Variants in RTL10 observed in about 807,000 individuals in gnomAD.
RTL10 encodes retrotransposon Gag like 10.
For missense variants in RTL10, 477 were observed against 470.7 expected, an observed-to-expected ratio of 1.01 and a Z score of -0.12; for synonymous variants, 199 against 188.4, an observed-to-expected ratio of 1.06 and a Z score of -0.46.
At position 19,852,433 on chromosome 22, in the gene RTL10, G is replaced by GAGAGCTGAGA; in HGVS notation, c.-182_-173dup. 1.5e-6 allele frequency: 1 copy of GAGAGCTGAGA among 669,084 alleles called. No homozygotes were observed. The highest frequency in any genetic ancestry group is 2.6e-6 in the Non-Finnish European group (1 of 389,764). The allele number at this position is 669,084 out of a possible 1,614,324, so 41.4% of individuals were successfully genotyped here. On this transcript the variant is annotated 5_prime_UTR_variant, in exon 3 of 3. Coordinates refer to ENST00000328554, the MANE Select transcript of RTL10 (RefSeq NM_024627.6). Reference sequence around the variant, plus strand: ...AGGGAGCTGACAGCTGCAGCCTCAGGAGAGCTGAGAAGAGCTGAGAGACTG... The same window carrying GAGAGCTGAGA: ...AGGGAGCTGACAGCTGCAGCCTCAGGAGAGCTGAGAAGAGCTGAGAAGAGCTGAGAGACTG...
chr22:19,853,067 C>T (rs561653287), intron 2 of RTL10, among the ~76,000 whole-genome samples: 17 of 152,266 alleles, frequency 1.1e-4, no homozygotes, highest in African/African-American at 2.2e-4. Context: ...CCTGCTTCCC[C>T]GACAGAGCAG....
chr22:19,853,789 A>G (rs1938169342), intron 2 of RTL10, among the ~76,000 whole-genome samples: 1 of 152,084 alleles, frequency 6.6e-6, no homozygotes, highest in South Asian at 2.1e-4. Context: ...GATTATACTA[A>G]GGCCTGGACG....
chr22:19,847,255 G>A lies in RTL10; in HGVS notation c.*3912C>T, dbSNP rs1937982214. On this transcript the variant is annotated 3_prime_UTR_variant, in exon 3 of 3. Coordinates refer to ENST00000328554, the MANE Select transcript of RTL10 (RefSeq NM_024627.6). ...CACAGGTGCAAGCAAGAAATAAGCA[G>A]TGCCAACTGTAGCCGCTGCGCTGTT... is the stretch of plus-strand genomic sequence containing the variant. 1 of 985,278 alleles carries A rather than the reference G, an allele frequency of 1.0e-6. No individual in the cohort carries two copies. The highest frequency in any genetic ancestry group is 1.7e-5 in the African/African-American group (1 of 57,244). 61.0% of individuals were successfully genotyped at this position (985,278 alleles called of 1,614,324 possible).
chr22:19,854,459 C>G lies in RTL10; in HGVS notation c.-242G>C, dbSNP rs1938187770. 6.5e-6 allele frequency: 1 copy of G among 152,696 alleles called. No individual in the cohort carries two copies. Among genetic ancestry groups the G allele is most frequent in the Non-Finnish European group, 1.5e-5 (1 of 68,070 alleles). 9.5% of individuals were successfully genotyped at this position (152,696 alleles called of 1,614,324 possible). ...CCCACCCACCTGAGGCTACGCGAATCGCCCGCGAAGAGGGTCCTGGGATCC... is the reference window on the plus strand; with the variant it reads ...CCCACCCACCTGAGGCTACGCGAATGGCCCGCGAAGAGGGTCCTGGGATCC... On this transcript the variant is annotated 5_prime_UTR_variant, in exon 2 of 3. Coordinates refer to ENST00000328554, the MANE Select transcript of RTL10 (RefSeq NM_024627.6).
At position 19,851,035 on chromosome 22, in the gene RTL10, C is replaced by T. The variant is rs1938081451; in HGVS notation, c.*132G>A. 2.8e-6 allele frequency: 4 copies of T among 1,444,068 alleles called. No individual in the cohort carries two copies. The highest frequency in any genetic ancestry group is 2.5e-5 in the East Asian group (1 of 40,046). The allele number at this position is 1,444,068 out of a possible 1,614,324, so 89.5% of individuals were successfully genotyped here. ...TGCTCAGCGCAGAGTCCAAAACAAG[C>T]GCATCTTGCCCAGCTATGGGGTCTG... On this transcript the variant is annotated 3_prime_UTR_variant, in exon 3 of 3. Transcript: ENST00000328554.
At position 19,851,660 on chromosome 22, in the gene RTL10, C is replaced by A. The variant is rs1049784546; in HGVS notation, c.602G>T (p.Ser201Ile). Residue 201 changes from serine to isoleucine, a missense_variant, in exon 3 of 3, where the codon AGC becomes ATC. Coordinates refer to ENST00000328554, the MANE Select transcript of RTL10 (RefSeq NM_024627.6). ...VVTCPLPLAS[S>I]QLPVAPQLPV... ...CAGCTGAGGGGCCACTGGCAGCTGG[C>A]TGGAGGCCAGGGGCAGGGGACAGGT... 6.3e-7 allele frequency: 1 copy of A among 1,594,658 alleles called. No homozygotes were observed. Among genetic ancestry groups the A allele is most frequent in the Non-Finnish European group, 8.6e-7 (1 of 1,168,592 alleles).
In RTL10 at chr22:19,851,371, G is replaced by C. The variant is rs146626259; in HGVS notation, c.891C>G (p.Pro297=). 1 of 1,614,138 alleles carries C rather than the reference G, an allele frequency of 6.2e-7. No individual in the cohort carries two copies. Among genetic ancestry groups the C allele is most frequent in the Non-Finnish European group, 8.5e-7 (1 of 1,180,012 alleles). Residue 297 remains proline (P), a synonymous_variant, in exon 3 of 3, where the codon CCC becomes CCG. Coordinates refer to ENST00000328554, the MANE Select transcript of RTL10 (RefSeq NM_024627.6). ...ACTCCGACAGTCTAGGGACAGGTGT[G>C]GGGGCTGCCTCCTCTGGCTGGGAAG... ...PASSQPEEAA[P]TPVPRLSESA...
rs1938050345 is a variant in RTL10, at chr22:19,849,704, G to GT, written c.*1462dup. 2.0e-6 allele frequency: 2 copies of GT among 985,350 alleles called. No homozygotes were observed. Among genetic ancestry groups the GT allele is most frequent in the Middle Eastern group, 5.2e-4 (1 of 1,914 alleles). The allele number at this position is 985,350 out of a possible 1,614,324, so 61.0% of individuals were successfully genotyped here. On this transcript the variant is annotated 3_prime_UTR_variant, in exon 3 of 3. Coordinates refer to ENST00000328554, the MANE Select transcript of RTL10 (RefSeq NM_024627.6). ...AGTTTAATCAGATGCTTGCTAATTA[G>GT]TTTTTCCTAAAATAGTTGGCTGTAT...
chr22:19,851,967 C>T lies in RTL10; in HGVS notation c.295G>A (p.Val99Ile). 6.2e-7 allele frequency: 1 copy of T among 1,614,150 alleles called. No homozygotes were observed. The highest frequency in any genetic ancestry group is 8.5e-7 in the Non-Finnish European group (1 of 1,180,004). Residue 99 changes from valine to isoleucine, a missense_variant, in exon 3 of 3, where the codon GTA becomes ATA. Transcript: ENST00000328554. ...AAGGTGCCTGGGTCTGAGCCTGGTACCCAGCAGAAGTCCACCCTGTGGGGT... is the reference window on the plus strand; with the variant it reads ...AAGGTGCCTGGGTCTGAGCCTGGTATCCAGCAGAAGTCCACCCTGTGGGGT... Reference protein sequence around the residue: ...SRPHRVDFCWVPGSDPGTFDG... With the variant: ...SRPHRVDFCWIPGSDPGTFDG...
chr22:19,853,716 TC>T (rs1938165604), intron 2 of RTL10, among the ~76,000 whole-genome samples: 1 of 150,302 alleles, frequency 6.7e-6, no homozygotes, highest in African/African-American at 2.5e-5. Context: ...CTGACCCCCC[TC>T]TGGGGGGGGG....
chr22:19,850,601 C>A lies in RTL10; in HGVS notation c.*566G>T. The stretch of plus-strand genomic sequence containing the variant: ...ATCCCACAGGAAACATCATTCTTTG[C>A]CAAGATGCTATCCCACTCATCCCCC... On this transcript the variant is annotated 3_prime_UTR_variant, in exon 3 of 3. Coordinates refer to ENST00000328554, the MANE Select transcript of RTL10 (RefSeq NM_024627.6). 8.3e-7 allele frequency: 1 copy of A among 1,198,946 alleles called. No homozygotes were observed. The highest frequency in any genetic ancestry group is 1.0e-6 in the Non-Finnish European group (1 of 967,526). 74.3% of individuals were successfully genotyped at this position (1,198,946 alleles called of 1,614,324 possible). A position where few individuals can be genotyped will look rare whatever the true frequency, so the allele number is the denominator to read the frequency against.
chr22:19,853,214 A>G (rs1416600429), intron 2 of RTL10, among the ~76,000 whole-genome samples: 2 of 152,020 alleles, frequency 1.3e-5, no homozygotes, highest in African/African-American at 4.8e-5. Flanking sequence ...CAGCCACAGC[A>G]GAGCATCCCA....
In RTL10 at chr22:19,850,510, C is replaced by T; in HGVS notation, c.*657G>A. On this transcript the variant is annotated 3_prime_UTR_variant, in exon 3 of 3. Coordinates refer to ENST00000328554, the MANE Select transcript of RTL10 (RefSeq NM_024627.6). ...CAAAGGGCGAATGCCTGCAGCTGAGCCTGGCAAGGGGCTTGCATCCCACCT... is the reference window on the plus strand; with the variant it reads ...CAAAGGGCGAATGCCTGCAGCTGAGTCTGGCAAGGGGCTTGCATCCCACCT... 2 of 1,055,268 alleles carry T rather than the reference C, an allele frequency of 1.9e-6. No individual in the cohort carries two copies. Among genetic ancestry groups the T allele is most frequent in the Non-Finnish European group, 2.3e-6 (2 of 875,612 alleles). The allele number at this position is 1,055,268 out of a possible 1,614,324, so 65.4% of individuals were successfully genotyped here.
In RTL10 at chr22:19,848,188, C is replaced by T. The variant is rs747611963; in HGVS notation, c.*2979G>A. ...ACTTTAAATACCATCTCACAGCACC[C>T]ATCATGTCCTATCTTCAGGAAATAA... On this transcript the variant is annotated 3_prime_UTR_variant, in exon 3 of 3. Transcript: ENST00000328554. 25 of 985,260 alleles carry T rather than the reference C, an allele frequency of 2.5e-5. No individual in the cohort carries two copies. Among genetic ancestry groups the T allele is most frequent in the Non-Finnish European group, 3.0e-5 (25 of 829,894 alleles). 61.0% of individuals were successfully genotyped at this position (985,260 alleles called of 1,614,324 possible). A position where few individuals can be genotyped will look rare whatever the true frequency, so the allele number is the denominator to read the frequency against.
chr22:19,852,052 G>A lies in RTL10; in HGVS notation c.210C>T (p.Gly70=), dbSNP rs2145907178. ...TTMEQKSTAS[G]TCGGKPAERG... is the part of the protein sequence containing the mutation. ...TTTCTGCAGGTTTACCGCCACAAGT[G>A]CCACTAGCTGTGCTCTTCTGCTCCA... Residue 70 remains glycine (G), a synonymous_variant, in exon 3 of 3, where the codon GGC becomes GGT. Transcript: ENST00000328554. 6.2e-7 allele frequency: 1 copy of A among 1,614,218 alleles called. No individual in the cohort carries two copies. Among genetic ancestry groups the A allele is most frequent in the South Asian group, 1.1e-5 (1 of 91,088 alleles).
Position 19,851,147 on chromosome 22 carries a change from T to C in RTL10, c.*20A>G, listed in dbSNP as rs1192423734. On this transcript the variant is annotated 3_prime_UTR_variant, in exon 3 of 3. Transcript: ENST00000328554. ...GCCACTTCATCATGAGGGGCAGCAT[T>C]GTTCCCACCTGGGCTGTGTTCAGAA... 18 of 1,569,290 alleles carry C rather than the reference T, an allele frequency of 1.1e-5. No individual in the cohort carries two copies. The highest frequency in any genetic ancestry group is 1.5e-5 in the Non-Finnish European group (17 of 1,156,600).
chr22:19,850,927 G>A lies in RTL10; in HGVS notation c.*240C>T, dbSNP rs1938079351. The A allele has an allele frequency of 2.9e-6, 4 of 1,365,970 alleles. No individual in the cohort carries two copies. The South Asian group carries it at 8.1e-5, about 28-fold the overall frequency. The allele number at this position is 1,365,970 out of a possible 1,614,324, so 84.6% of individuals were successfully genotyped here. On this transcript the variant is annotated 3_prime_UTR_variant, in exon 3 of 3. Transcript: ENST00000328554. ...GGTGAGACGGCACTCCCAGAAGACG[G>A]GCAGGGATGCAGCAGAGAGCCAGCA...
In RTL10 at chr22:19,846,448, TGG is replaced by T; in HGVS notation, c.*4717_*4718del. The T allele has an allele frequency of 3.0e-6, 3 of 985,328 alleles. No homozygotes were observed. The highest frequency in any genetic ancestry group is 3.6e-6 in the Non-Finnish European group (3 of 829,852). The allele number at this position is 985,328 out of a possible 1,614,324, so 61.0% of individuals were successfully genotyped here. A position where few individuals can be genotyped will look rare whatever the true frequency, so the allele number is the denominator to read the frequency against. Reference sequence around the variant, plus strand: ...GCTTGGCCATCCCCACTCCTCAGTATGGGCCCCAGAACCCAGGGCCTGGGGGA... The same window carrying T: ...GCTTGGCCATCCCCACTCCTCAGTATGCCCCAGAACCCAGGGCCTGGGGGA... On this transcript the variant is annotated 3_prime_UTR_variant, in exon 3 of 3. Coordinates refer to ENST00000328554, the MANE Select transcript of RTL10 (RefSeq NM_024627.6).
rs1304859531 is a variant in RTL10, at chr22:19,850,709, G to T, written c.*458C>A. The T allele has an allele frequency of 1.6e-6, 2 of 1,235,992 alleles. No homozygotes were observed. The highest frequency in any genetic ancestry group is 2.0e-6 in the Non-Finnish European group (2 of 991,378). 76.6% of individuals were successfully genotyped at this position (1,235,992 alleles called of 1,614,324 possible). The stretch of plus-strand genomic sequence containing the variant: ...AGTCACAGGGAGCAGAGAGGGTGGG[G>T]CTAGGGGGACAGACACAGAAACCCC... On this transcript the variant is annotated 3_prime_UTR_variant, in exon 3 of 3. Coordinates refer to ENST00000328554, the MANE Select transcript of RTL10 (RefSeq NM_024627.6).
Sources: gnomAD v4.1 joint callset for allele counts (sites outside exome capture counted in the v4.1 genomes callset) on GRCh38, gnomAD v4.1.1 for gene constraint, MANE v1.5 for transcripts, NCBI Gene and HGNC (gene_info 2026-07-23, HGNC 2026-07-21) for gene names.